Variants in CPLANE1 observed in about 807,000 individuals in gnomAD.
The protein encoded by CPLANE1 is ciliogenesis and planar polarity effector complex subunit 1, also known as ciliogenesis and planar polarity effector 1.
Under a neutral mutation model 362.5 loss-of-function variants are expected in CPLANE1, and 263 were observed. That is an observed-to-expected ratio of 0.73 (90% confidence interval 0.66 to 0.80). CPLANE1 has a LOEUF of 0.80. Ranked by LOEUF, CPLANE1 falls within the 30% of genes least tolerant of loss-of-function variation. The probability of loss-of-function intolerance (pLI) is 0.00; values close to 1 mark genes in which losing one functional copy is unlikely to be tolerated. For missense variants in CPLANE1, 3,461 were observed against 3,793.4 expected, an observed-to-expected ratio of 0.91 and a Z score of 2.30; for synonymous variants, 1,212 against 1,302.6, an observed-to-expected ratio of 0.93 and a Z score of 1.50.
At chr5:37,090,283 T>C in the CPLANE1 span, among the ~76,000 whole-genome samples, 10 of 152,230 alleles carry the variant, frequency 6.6e-5, no homozygotes, top group Admixed American at 3.3e-4. Flanking sequence ...ACAGGGTTAA[T>C]AGGACAGATG....
chr5:37,247,669 T>G lies in CPLANE1; in HGVS notation c.30A>C (p.Ser10=). Reference sequence around the variant, plus strand: ...ATGGTTTTTTCTGCTTAATACCTGTTGATGTCAAGATTTCTAATCTTATCT... The same window carrying G: ...ATGGTTTTTTCTGCTTAATACCTGTGGATGTCAAGATTTCTAATCTTATCT... MEIRLEILT[S]TGIKQKKPWP... is the part of the protein sequence containing the mutation. The change falls in exon 2 of 53, where the codon TCA becomes TCC. Residue 10 remains serine, a synonymous_variant. Coordinates refer to ENST00000651892, the MANE Select transcript of CPLANE1 (RefSeq NM_001384732.1). The G allele has an allele frequency of 6.4e-7, 1 of 1,551,306 alleles. No homozygotes were observed. The highest frequency in any genetic ancestry group is 1.2e-5 in the South Asian group (1 of 83,844).
the CPLANE1 span, among the ~76,000 whole-genome samples, chr5:37,087,618 G>C: frequency 6.6e-6 from 1 of 152,034 alleles, no homozygotes; most frequent in Non-Finnish European, 1.5e-5. Context: ...CACCACGCCC[G>C]GCTAATTTTT....
chr5:37,113,026 T>C (rs1759800802), intron 51 of CPLANE1, among the ~76,000 whole-genome samples: 1 of 152,228 alleles, frequency 6.6e-6, no homozygotes, highest in African/African-American at 2.4e-5. Flanking sequence ...CATTGCTAGA[T>C]ATTTGCTTTG....
At chr5:37,244,629 T>C (rs1353844422) in intron 4 of CPLANE1, 22 bp from the exon 5 acceptor site, 2 of 1,411,316 alleles carry the variant, frequency 1.4e-6, no homozygotes, top group Admixed American at 4.6e-5. Context: ...ACAAAAAAAG[T>C]AATTAAGCCT....
chr5:37,156,152 C>CT (rs1372134697), intron 41 of CPLANE1, among the ~76,000 whole-genome samples: 1 of 152,244 alleles, frequency 6.6e-6, no homozygotes, highest in Non-Finnish European at 1.5e-5. Flanking sequence ...GAGCTAGACT[C>CT]TGTGCCCAAG....
the CPLANE1 span, chr5:37,085,342 A>G: frequency 3.0e-6 from 4 of 1,336,222 alleles, no homozygotes; most frequent in South Asian, 2.3e-5. Flanking sequence ...AAGACGGGAG[A>G]TAATTTCCAT....
At chr5:37,184,174 A>G (rs1004366636) in intron 25 of CPLANE1, among the ~76,000 whole-genome samples, 1 of 152,330 alleles carries the variant, frequency 6.6e-6, no homozygotes, top group South Asian at 2.1e-4. Context: ...GTTTTACCAC[A>G]CAAAAACTGG....
At chr5:37,230,437 C>A (rs977469566) in intron 9 of CPLANE1, among the ~76,000 whole-genome samples, 3 of 151,758 alleles carry the variant, frequency 2.0e-5, no homozygotes, top group African/African-American at 7.3e-5. Context: ...AAAACAACAA[C>A]AAAAATTAAA....
At chr5:37,080,260 T>C in the CPLANE1 span, among the ~76,000 whole-genome samples, 1 of 152,244 alleles carries the variant, frequency 6.6e-6, no homozygotes, top group East Asian at 1.9e-4. Context: ...GTCACATGAA[T>C]GCCTGGCTGT....
At position 37,195,889 on chromosome 5, in the gene CPLANE1, G is replaced by A. The variant is rs762165304; in HGVS notation, c.3780C>T (p.His1260=). The change falls in exon 21 of 53, where the codon CAC becomes CAT. Residue 1260 remains histidine (H), a synonymous_variant. Coordinates refer to ENST00000651892, the MANE Select transcript of CPLANE1 (RefSeq NM_001384732.1). ...AFFRPGAAGD[H]KLDEVSIRAI... ...CTCTAATGGAAACTTCATCAAGCTTGTGGTCTCCAGCTGCTCCAGGTCTAA... is the reference window on the plus strand; with the variant it reads ...CTCTAATGGAAACTTCATCAAGCTTATGGTCTCCAGCTGCTCCAGGTCTAA... 1 of 1,612,588 alleles carries A rather than the reference G, an allele frequency of 6.2e-7. No individual in the cohort carries two copies. Among genetic ancestry groups the A allele is most frequent in the Non-Finnish European group, 8.5e-7 (1 of 1,179,506 alleles).
intron 26 of CPLANE1, among the ~76,000 whole-genome samples, chr5:37,181,714 T>C (rs542874546): frequency 7.8e-4 from 119 of 151,942 alleles, no homozygotes; most frequent in African/African-American, 2.8e-3. Flanking sequence ...GCTTGGAAGA[T>C]TCAAGTGGAA....
chr5:37,126,754 T>C (rs1241727632), intron 46 of CPLANE1, among the ~76,000 whole-genome samples: 3 of 152,188 alleles, frequency 2.0e-5, no homozygotes, highest in Non-Finnish European at 4.4e-5. Flanking sequence ...CCCAGCTACT[T>C]GGGAGGCTGA....
chr5:37,161,231 A>T (rs1776780655), intron 38 of CPLANE1, among the ~76,000 whole-genome samples: 1 of 152,214 alleles, frequency 6.6e-6, no homozygotes, highest in Non-Finnish European at 1.5e-5. Flanking sequence ...ATCCCTTGTA[A>T]TGCAAATCTA....
At chr5:37,103,766 G>A (rs2149823934), downstream of CPLANE1, among the ~76,000 whole-genome samples, 1 of 152,130 alleles carries the variant, frequency 6.6e-6, no homozygotes, top group Admixed American at 6.5e-5. Context: ...ACTTTTTTTA[G>A]GTGACCTGGC....
intron 6 of CPLANE1, among the ~76,000 whole-genome samples, chr5:37,241,350 G>C (rs1171965377): frequency 6.6e-6 from 1 of 152,044 alleles, no homozygotes; most frequent in Admixed American, 6.6e-5. Context: ...AGCTACTCAG[G>C]AGGCTGAGAC....
chr5:37,197,587 G>A (rs1787897572), intron 20 of CPLANE1, among the ~76,000 whole-genome samples: 1 of 152,172 alleles, frequency 6.6e-6, no homozygotes, highest in Non-Finnish European at 1.5e-5. Context: ...GAACCACCCT[G>A]TGGTGGTTCT....
At chr5:37,141,701 T>C in intron 44 of CPLANE1, 1 of 984,572 alleles carries the variant, frequency 1.0e-6, no homozygotes, top group African/African-American at 1.7e-5. Context: ...CAAGCCACTG[T>C]CAGTGATTGA....
intron 32 of CPLANE1, among the ~76,000 whole-genome samples, chr5:37,171,745 ACT>A (rs56407367): frequency 0.4 from 51,717 of 128,004 alleles, 9,464 homozygotes; most frequent in South Asian, 0.53. Flanking sequence ...TCTCTAGCTT[ACT>A]CTCTCTCTCT....
intron 46 of CPLANE1, among the ~76,000 whole-genome samples, chr5:37,132,337 G>GTTTTT (rs70976278): frequency 6.4e-4 from 50 of 77,760 alleles, no homozygotes; most frequent in African/African-American, 7.9e-4. Context: ...GATTGTTCAA[G>GTTTTT]TTTTTTTTTT....
Sources: allele counts gnomAD v4.1 joint callset (sites outside exome capture counted in the v4.1 genomes callset), GRCh38; gene constraint gnomAD v4.1.1; transcripts MANE v1.5; gene names NCBI Gene and HGNC (gene_info 2026-07-23, HGNC 2026-07-21).